Variants in SORBS2 observed in about 807,000 individuals in gnomAD.
The protein encoded by SORBS2 is sorbin and SH3 domain containing 2.
In SORBS2, 46 loss-of-function variants were observed where a neutral mutation model predicts 97.7. That is an observed-to-expected ratio of 0.47 (90% CI 0.37 to 0.60). The LOEUF (loss-of-function observed/expected upper bound fraction) is 0.60, where lower values mean the gene tolerates loss of function less well. SORBS2 is among the 20% of genes least tolerant of loss of function. The pLI is 0.00. For synonymous variants in SORBS2, 476 were observed against 473.4 expected, an observed-to-expected ratio of 1.01 and a Z score of -0.07; for missense variants, 1,316 against 1,282.3, an observed-to-expected ratio of 1.03 and a Z score of -0.40.
chr4:185,614,887 C>A, exon 11 of SORBS2: 1 of 1,614,230 alleles, frequency 6.2e-7, no homozygotes, highest in South Asian at 1.1e-5. Context: ...TTGGCTATAG[C>A]TTCTCCGATT....
chr4:185,790,436 C>T (rs910643530), intron 1 of SORBS2, among the ~76,000 whole-genome samples: 7 of 152,200 alleles, frequency 4.6e-5, no homozygotes, highest in African/African-American at 1.4e-4. Flanking sequence ...AAGTACAATA[C>T]GTGTATCTTT....
chr4:185,666,227 A>G, intron 4 of SORBS2: 2 of 1,189,378 alleles, frequency 1.7e-6, no homozygotes, highest in Middle Eastern at 2.2e-4. Context: ...GGAAAAAATA[A>G]TAAGAGATAA....
chr4:185,677,611 T>C, intron 4 of SORBS2: 1 of 1,522,072 alleles, frequency 6.6e-7, no homozygotes, highest in Non-Finnish European at 8.8e-7. Context: ...CTATGAAAGC[T>C]CTCTTTTCTT....
intron 2 of SORBS2, among the ~76,000 whole-genome samples, chr4:185,739,106 G>A (rs1243958713): frequency 2.6e-5 from 4 of 152,214 alleles, no homozygotes; most frequent in Admixed American, 2.0e-4. Context: ...CTCCACCCTG[G>A]TGTTCTATTG....
chr4:185,942,644 T>C (rs1210399247), intron 1 of SORBS2, among the ~76,000 whole-genome samples: 6 of 152,172 alleles, frequency 3.9e-5, no homozygotes, highest in Admixed American at 3.9e-4. Flanking sequence ...CCACCGCGCA[T>C]GGCCCCATAT....
intron 1 of SORBS2, among the ~76,000 whole-genome samples, chr4:185,814,380 A>T (rs1488674683): frequency 6.6e-6 from 1 of 151,680 alleles, no homozygotes; most frequent in Non-Finnish European, 1.5e-5. Flanking sequence ...AAAAAATCAA[A>T]CAAACAAACA....
intron 2 of SORBS2, among the ~76,000 whole-genome samples, chr4:185,754,254 A>G (rs965627235): frequency 1.3e-5 from 2 of 152,196 alleles, no homozygotes; most frequent in African/African-American, 4.8e-5. Context: ...CATTGAGTAC[A>G]TATGGACACA....
intron 1 of SORBS2, among the ~76,000 whole-genome samples, chr4:185,913,526 C>T (rs1049350535): frequency 7.9e-5 from 12 of 152,140 alleles, no homozygotes; most frequent in African/African-American, 2.9e-4. Context: ...TTTCTCTGAT[C>T]GCAATGATTG....
At chr4:185,863,881 G>A (rs188594685) in intron 1 of SORBS2, among the ~76,000 whole-genome samples, 2 of 152,150 alleles carry the variant, frequency 1.3e-5, no homozygotes, top group East Asian at 3.9e-4. Context: ...ATTTAGAAAG[G>A]GCTATATTTA....
At chr4:185,823,605 T>G (rs2099198095) in intron 1 of SORBS2, among the ~76,000 whole-genome samples, 1 of 150,612 alleles carries the variant, frequency 6.6e-6, no homozygotes, top group Admixed American at 6.7e-5. Context: ...AGATTTGAGT[T>G]TTCCTGATAT....
At chr4:185,852,896 T>G (rs1211678842) in intron 1 of SORBS2, among the ~76,000 whole-genome samples, 1 of 152,220 alleles carries the variant, frequency 6.6e-6, no homozygotes, top group East Asian at 1.9e-4. Context: ...CACTTGAGGA[T>G]GCTGGGTCTC....
Position 185,762,654 on chromosome 4 carries a change from T to G in SORBS2, c.-198+12573A>C, listed in dbSNP as rs758827613. ...ATGCCAGTAATCTAAAAGACTTGTCTCCACATTTGTTTCCAATACCGCTTT... is the reference window on the plus strand; with the variant it reads ...ATGCCAGTAATCTAAAAGACTTGTCGCCACATTTGTTTCCAATACCGCTTT... On this transcript the variant is annotated intron_variant, in intron 2 of 20. Transcript: ENST00000284776. Among the ~76,000 whole-genome samples, 7 of 152,344 alleles carry G rather than the reference T, an allele frequency of 4.6e-5. No homozygotes were observed. The East Asian group carries it at 9.6e-4, about 21-fold the overall frequency.
chr4:185,829,776 C>A (rs1040879152), intron 1 of SORBS2, among the ~76,000 whole-genome samples: 1 of 152,218 alleles, frequency 6.6e-6, no homozygotes, highest in African/African-American at 2.4e-5. Flanking sequence ...CATAATGTCA[C>A]AATATATTTT....
intron 4 of SORBS2, among the ~76,000 whole-genome samples, chr4:185,638,587 C>T (rs1272178789): frequency 6.6e-6 from 1 of 151,900 alleles, no homozygotes; most frequent in Non-Finnish European, 1.5e-5. Context: ...TCATTGGTGG[C>T]TAGCAGTCCC....
chr4:185,609,339 TTTCAC>T (rs1361498434), intron 12 of SORBS2, among the ~76,000 whole-genome samples: 1 of 152,224 alleles, frequency 6.6e-6, no homozygotes, highest in African/African-American at 2.4e-5. Flanking sequence ...AGGTTTCCAC[TTTCAC>T]TTTCTGTTAT....
intron 1 of SORBS2, among the ~76,000 whole-genome samples, chr4:185,869,491 C>G (rs1214028726): frequency 2.0e-5 from 3 of 152,222 alleles, no homozygotes; most frequent in African/African-American, 7.2e-5. Flanking sequence ...TGGCTCCTAC[C>G]AGATGGCTGC....
chr4:185,821,385 A>T (rs1045159250), intron 1 of SORBS2, among the ~76,000 whole-genome samples: 1 of 152,136 alleles, frequency 6.6e-6, no homozygotes, highest in African/African-American at 2.4e-5. Flanking sequence ...TTTGGGCCTT[A>T]TCTTCCTGGA....
intron 12 of SORBS2, among the ~76,000 whole-genome samples, chr4:185,601,488 T>G (rs2096261084): frequency 6.6e-6 from 1 of 152,212 alleles, no homozygotes; most frequent in South Asian, 2.1e-4. Context: ...TCTCTGAGGA[T>G]GGCGATGAGC....
At chr4:185,926,979 C>T (rs879460796) in intron 1 of SORBS2, among the ~76,000 whole-genome samples, 22 of 151,816 alleles carry the variant, frequency 1.4e-4, no homozygotes, top group East Asian at 5.8e-4. Context: ...GAGGATTTTA[C>T]GGTTCTTTAC....
Sources: allele counts gnomAD v4.1 joint callset (sites outside exome capture counted in the v4.1 genomes callset), GRCh38; gene constraint gnomAD v4.1.1; transcripts MANE v1.5; gene names NCBI Gene and HGNC (gene_info 2026-07-23, HGNC 2026-07-21).